Variants in KCNIP1 observed in about 807,000 individuals in gnomAD.
The protein encoded by KCNIP1 is A-type potassium channel modulatory protein KCNIP1.
In KCNIP1, 18 loss-of-function variants were observed where a neutral mutation model predicts 33.0. That is an observed-to-expected ratio of 0.55 (90% CI 0.38 to 0.81). The LOEUF (loss-of-function observed/expected upper bound fraction) is 0.81, where lower values mean the gene tolerates loss of function less well. Ranked by LOEUF, KCNIP1 falls within the 30% of genes least tolerant of loss-of-function variation. KCNIP1 has a pLI of 0.00. For missense variants in KCNIP1, 238 were observed against 271.6 expected (o/e 0.88, Z 0.87); for synonymous variants, 93 against 98.3 (o/e 0.95, Z 0.32).
At chr5:170,724,425 A>G (rs1391373961) in intron 5 of KCNIP1, among the ~76,000 whole-genome samples, 1 of 152,252 alleles carries the variant, frequency 6.6e-6, no homozygotes, top group East Asian at 1.9e-4. Context: ...AAAGGATGAT[A>G]CAATACAACT....
exon 1 of KCNIP1, chr5:170,353,713 G>C (rs1256846693): frequency 1.6e-6 from 1 of 640,590 alleles, no homozygotes; most frequent in Non-Finnish European, 2.7e-6. Flanking sequence ...GCAGAAGCCA[G>C]ACTCGCTGCA....
At chr5:170,700,076 T>C (rs1468899984) in intron 1 of KCNIP1, among the ~76,000 whole-genome samples, 1 of 152,122 alleles carries the variant, frequency 6.6e-6, no homozygotes, top group Admixed American at 6.5e-5. Flanking sequence ...CTCTGGGCCT[T>C]GTTCCCTTCA....
intron 1 of KCNIP1, among the ~76,000 whole-genome samples, chr5:170,617,173 G>A (rs910408077): frequency 6.6e-5 from 10 of 151,868 alleles, no homozygotes; most frequent in African/African-American, 2.4e-4. Flanking sequence ...CAGGTCTGGA[G>A]GGGAAGACAA....
chr5:170,621,696 A>T (rs1413362732), intron 1 of KCNIP1, among the ~76,000 whole-genome samples: 1 of 152,064 alleles, frequency 6.6e-6, no homozygotes, highest in African/African-American at 2.4e-5. Flanking sequence ...TTTTGTAGAG[A>T]CAGGGTCTCA....
chr5:170,529,124 TAACTTCAGGCAGAGCTGAA>T (rs1296675549), intron 1 of KCNIP1, among the ~76,000 whole-genome samples: 1 of 152,178 alleles, frequency 6.6e-6, no homozygotes, highest in Non-Finnish European at 1.5e-5. Context: ...AGGGTAAGAT[TAACTTCAGGCAGAGCTGAA>T]TACAGGTGCT....
chr5:170,459,063 A>G (rs1482189075), intron 1 of KCNIP1, among the ~76,000 whole-genome samples: 1 of 152,194 alleles, frequency 6.6e-6, no homozygotes, highest in Non-Finnish European at 1.5e-5. Context: ...GACAAAACAA[A>G]TTTTAGAGCA....
intron 1 of KCNIP1, among the ~76,000 whole-genome samples, chr5:170,714,802 G>A (rs1252605671): frequency 2.0e-5 from 3 of 151,702 alleles, no homozygotes; most frequent in East Asian, 1.9e-4. Context: ...TAAGCTAAGC[G>A]TTATCACAAA....
chr5:170,544,406 A>G (rs1246967008), intron 1 of KCNIP1, among the ~76,000 whole-genome samples: 3 of 152,146 alleles, frequency 2.0e-5, no homozygotes, highest in East Asian at 1.9e-4. Flanking sequence ...TCTAGATCTC[A>G]TTGATACTTC....
chr5:170,724,855 G>A lies in KCNIP1; in HGVS notation c.435+2035G>A, dbSNP rs1165787545. On this transcript the variant is annotated intron_variant, in intron 5 of 7. Transcript: ENST00000328939. ...AACACAGAGATAAATCATGCTCATG[G>A]GTTGGAAGGCCCAATATAGTTAAGA... is the stretch of plus-strand genomic sequence containing the variant. Among the ~76,000 whole-genome samples, 6 of 152,118 alleles carry A rather than the reference G, an allele frequency of 3.9e-5. No homozygotes were observed. The South Asian group carries it at 1.2e-3, about 32-fold the overall frequency.
intron 1 of KCNIP1, among the ~76,000 whole-genome samples, chr5:170,454,793 T>C (rs1178893916): frequency 1.3e-5 from 2 of 152,222 alleles, no homozygotes; most frequent in Non-Finnish European, 2.9e-5. Context: ...AACTAGTTAT[T>C]TTTACAGATT....
intron 1 of KCNIP1, among the ~76,000 whole-genome samples, chr5:170,587,016 C>A (rs963015367): frequency 1.3e-5 from 2 of 152,098 alleles, no homozygotes; most frequent in Non-Finnish European, 2.9e-5. Flanking sequence ...AAGGTGCCAG[C>A]CCCAAAAAAC....
At chr5:170,604,462 G>A (rs922896197) in intron 1 of KCNIP1, among the ~76,000 whole-genome samples, 17 of 152,296 alleles carry the variant, frequency 1.1e-4, no homozygotes, top group African/African-American at 3.9e-4. Flanking sequence ...AGGCTGAGCA[G>A]AACATTTAGG....
At chr5:170,674,928 G>T (rs916299549) in intron 1 of KCNIP1, among the ~76,000 whole-genome samples, 1 of 151,468 alleles carries the variant, frequency 6.6e-6, no homozygotes, top group African/African-American at 2.4e-5. Context: ...CCAATGACAG[G>T]TTCTGAAAGA....
chr5:170,580,516 C>T (rs961537345), intron 1 of KCNIP1, among the ~76,000 whole-genome samples: 1 of 152,162 alleles, frequency 6.6e-6, no homozygotes, highest in African/African-American at 2.4e-5. Flanking sequence ...GAGCCAGACC[C>T]TCAACCCCCT....
intron 1 of KCNIP1, among the ~76,000 whole-genome samples, chr5:170,532,041 A>G (rs1333399696): frequency 1.3e-5 from 2 of 152,148 alleles, no homozygotes; most frequent in African/African-American, 4.8e-5. Flanking sequence ...CATCCGGCCA[A>G]CTCCTCCATG....
chr5:170,712,937 C>T (rs762683421), intron 1 of KCNIP1: 9 of 1,450,148 alleles, frequency 6.2e-6, no homozygotes, highest in Non-Finnish European at 8.7e-6. Context: ...CTTGCAAAGG[C>T]AGAGCTTCTT....
At chr5:170,718,993 G>A (rs1763726790) in intron 2 of KCNIP1, 111 bp downstream of exon 2, 2 of 1,391,788 alleles carry the variant, frequency 1.4e-6, no homozygotes, top group Non-Finnish European at 1.9e-6. Context: ...GGCTGTACAA[G>A]GAAGGCCAGC....
At chr5:170,424,761 T>C (rs1163189807) in intron 1 of KCNIP1, among the ~76,000 whole-genome samples, 1 of 152,048 alleles carries the variant, frequency 6.6e-6, no homozygotes, top group African/African-American at 2.4e-5. Flanking sequence ...ATTATGTCAT[T>C]CTCCTGCTCA....
chr5:170,497,944 A>G (rs1757341726), intron 1 of KCNIP1, among the ~76,000 whole-genome samples: 1 of 152,236 alleles, frequency 6.6e-6, no homozygotes, highest in African/African-American at 2.4e-5. Flanking sequence ...CCATCAGGAC[A>G]TGAAGGGCAG....
Sources: allele counts gnomAD v4.1 joint callset (sites outside exome capture counted in the v4.1 genomes callset), GRCh38; gene constraint gnomAD v4.1.1; transcripts MANE v1.5; gene names NCBI Gene and HGNC (gene_info 2026-07-23, HGNC 2026-07-21).